The following NTM variants were observed in gnomAD, a reference collection of about 807,000 sequenced individuals.
NTM encodes neurotrimin.
Under a neutral mutation model 42.1 loss-of-function variants are expected in NTM, and 13 were observed. The ratio of observed to expected loss-of-function variants is 0.31; its 90% CI spans 0.20 to 0.49. The LOEUF (loss-of-function observed/expected upper bound fraction) is 0.49, where lower values mean the gene tolerates loss of function less well. Ranked by LOEUF, NTM falls within the 20% of genes least tolerant of loss-of-function variation. The pLI, the probability that NTM is intolerant of heterozygous loss-of-function variation, is 0.99. For synonymous variants in NTM, 187 were observed against 179.2 expected (o/e 1.04, Z -0.35); for missense variants, 373 against 452.8 (o/e 0.82, Z 1.60).
At chr11:131,907,397 A>AGTAC (rs2054021270) in intron 1 of NTM, among the ~76,000 whole-genome samples, 1 of 152,200 alleles carries the variant, frequency 6.6e-6, no homozygotes, top group Non-Finnish European at 1.5e-5. Context: ...AACCATCCAG[A>AGTAC]GTACACATGG....
intron 4 of NTM, among the ~76,000 whole-genome samples, chr11:132,215,349 A>G (rs979871795): frequency 6.6e-6 from 1 of 152,154 alleles, no homozygotes; most frequent in Admixed American, 6.5e-5. Flanking sequence ...TGTTCTGTAC[A>G]TTTCTTAAAA....
At chr11:131,795,221 C>T (rs1178644476) in intron 1 of NTM, 2 of 370,492 alleles carry the variant, frequency 5.4e-6, no homozygotes, top group African/African-American at 2.2e-5. Flanking sequence ...CTAATCCCAG[C>T]TCTCTCGTAT....
chr11:131,981,216 C>T (rs1014333750), intron 2 of NTM: 1 of 152,180 alleles, frequency 6.6e-6, no homozygotes, highest in African/African-American at 2.4e-5. Context: ...TGTGTTTCCT[C>T]TGAATTGCAT....
At chr11:131,687,356 C>T (rs888165607) in intron 1 of NTM, among the ~76,000 whole-genome samples, 3 of 152,116 alleles carry the variant, frequency 2.0e-5, no homozygotes, top group African/African-American at 4.8e-5. Flanking sequence ...CTTCCAATTG[C>T]GGCTTCGGGC....
chr11:132,191,035 C>T (rs1406612903), intron 3 of NTM, among the ~76,000 whole-genome samples: 4 of 152,004 alleles, frequency 2.6e-5, no homozygotes, highest in African/African-American at 9.7e-5. Flanking sequence ...AGGAAGACCA[C>T]AGATGTAGTA....
Position 131,732,358 on chromosome 11 carries a change from C to T in NTM, c.83-179206C>T, listed in dbSNP as rs979698490. On this transcript the variant is annotated intron_variant, in intron 1 of 8. Coordinates refer to ENST00000683400, the MANE Select transcript of NTM (RefSeq NM_001352005.2). Reference sequence around the variant, plus strand: ...ATAGAAAATCTCTGTAATCCATCACCTTTTTACCACTGGGTGGGAATCAGG... The same window carrying T: ...ATAGAAAATCTCTGTAATCCATCACTTTTTTACCACTGGGTGGGAATCAGG... 2.0e-5 allele frequency among the ~76,000 whole-genome samples: 3 copies of T among 152,148 alleles called. No individual in the cohort carries two copies. The East Asian group carries it at 5.8e-4, about 29-fold the overall frequency.
intron 1 of NTM, among the ~76,000 whole-genome samples, chr11:131,382,128 G>T (rs1371788190): frequency 6.6e-6 from 1 of 152,054 alleles, no homozygotes; most frequent in Non-Finnish European, 1.5e-5. Flanking sequence ...ATGACATATG[G>T]TCATATACTG....
intron 1 of NTM, among the ~76,000 whole-genome samples, chr11:131,639,330 G>A (rs917289752): frequency 6.6e-6 from 1 of 152,204 alleles, no homozygotes; most frequent in African/African-American, 2.4e-5. Context: ...GTTGTTGACT[G>A]TGCCTTCCTC....
chr11:132,274,294 A>G (rs1024133525), intron 4 of NTM, among the ~76,000 whole-genome samples: 1 of 151,840 alleles, frequency 6.6e-6, no homozygotes, highest in African/African-American at 2.4e-5. Context: ...TATTAAACTG[A>G]AAGTTTAGGT....
chr11:131,795,559 A>T (rs1483634072), intron 1 of NTM: 1 of 985,316 alleles, frequency 1.0e-6, no homozygotes, highest in Non-Finnish European at 1.2e-6. Context: ...ATACAGCATG[A>T]TGTTTGCATA....
chr11:131,637,582 C>T (rs904006577), intron 1 of NTM, among the ~76,000 whole-genome samples: 1 of 151,310 alleles, frequency 6.6e-6, no homozygotes, highest in African/African-American at 2.4e-5. Context: ...TGGCCTACCC[C>T]CAAGGCTGAT....
chr11:131,946,070 G>C (rs143957107), intron 2 of NTM, among the ~76,000 whole-genome samples: 2 of 152,298 alleles, frequency 1.3e-5, no homozygotes, highest in East Asian at 3.9e-4. Context: ...GCCAGATTCA[G>C]TCCAGAAGGA....
rs112432959 is a variant in NTM at position 131,777,544 on chromosome 11, T to C, written c.83-134020T>C. ...CTTAGCATGAGTTTGATAACTGCTC[T>C]CCATGGCATGCTTTCTAATTCTGCG... On this transcript the variant is annotated intron_variant, in intron 1 of 8. Transcript: ENST00000683400. Among the ~76,000 whole-genome samples, 629 of 149,284 alleles carry C rather than the reference T, an allele frequency of 4.2e-3. 7 individuals are homozygous for C. The highest frequency in any genetic ancestry group is 0.015 in the African/African-American group (603 of 40,514).
chr11:132,154,350 G>A (rs2072682410), intron 3 of NTM, among the ~76,000 whole-genome samples: 1 of 152,136 alleles, frequency 6.6e-6, no homozygotes, highest in Non-Finnish European at 1.5e-5. Context: ...GAGATATATT[G>A]GAAGGAAAGA....
chr11:132,073,278 T>C (rs1412248053), intron 2 of NTM, among the ~76,000 whole-genome samples: 2 of 152,196 alleles, frequency 1.3e-5, no homozygotes, highest in Non-Finnish European at 2.9e-5. Context: ...ATAGGAATTG[T>C]CTTCTCTGGA....
intron 2 of NTM, among the ~76,000 whole-genome samples, chr11:132,138,265 A>AAGACAAAAAG (rs2068340817): frequency 6.6e-6 from 1 of 152,208 alleles, no homozygotes. Context: ...TCCTGCTTCC[A>AAGACAAAAAG]GTACACACCA....
intron 1 of NTM, among the ~76,000 whole-genome samples, chr11:131,787,230 A>T (rs2089382175): frequency 6.6e-6 from 1 of 151,648 alleles, no homozygotes; most frequent in Non-Finnish European, 1.5e-5. Context: ...TTATTATGAT[A>T]TAATATTTTA....
intron 1 of NTM, among the ~76,000 whole-genome samples, chr11:131,847,887 T>A (rs1310571373): frequency 6.6e-6 from 1 of 152,200 alleles, no homozygotes; most frequent in Non-Finnish European, 1.5e-5. Context: ...ATATTTTAAC[T>A]GTATTTCCAT....
rs2054911072 is a variant in NTM, at chr11:131,552,966, A to G, written c.82+182078A>G. 2.0e-5 allele frequency among the ~76,000 whole-genome samples: 3 copies of G among 152,350 alleles called. No homozygotes were observed. The South Asian group carries it at 6.2e-4, about 32-fold the overall frequency. On this transcript the variant is annotated intron_variant, in intron 1 of 8. Coordinates refer to ENST00000683400, the MANE Select transcript of NTM (RefSeq NM_001352005.2). ...AAACTACGTATCACAAAAAAGACTC[A>G]CACAATCCAAACCAAGCTACAGTGG...
Sources: gnomAD v4.1 joint callset for allele counts (sites outside exome capture counted in the v4.1 genomes callset) on GRCh38, gnomAD v4.1.1 for gene constraint, MANE v1.5 for transcripts, NCBI Gene and HGNC (gene_info 2026-07-23, HGNC 2026-07-21) for gene names.